Variants in USH2A observed in about 807,000 individuals in gnomAD.
The protein encoded by USH2A is usherin.
A neutral mutation model predicts 538.9 loss-of-function variants in USH2A; 443 were observed. The ratio of observed to expected loss-of-function variants is 0.82; its 90% CI spans 0.76 to 0.89. USH2A has a LOEUF of 0.89. Among genes scored for constraint, USH2A ranks in the 40% least tolerant of loss-of-function variants. The pLI is 0.00. For synonymous variants in USH2A, 2,413 were observed against 2,273.5 expected (o/e 1.06, Z -1.75); for missense variants, 6,633 against 6,324.8 (o/e 1.05, Z -1.65).
In USH2A at chr1:215,965,339, A is replaced by G. The variant is rs1667313204; in HGVS notation, c.7098T>C (p.Thr2366=). Residue 2366 remains threonine (T), a synonymous_variant, in exon 37 of 72, where the codon ACT becomes ACC. Transcript: ENST00000307340. ...TACCTGGGTCTACATAGAATATCCC[A>G]GTGAAAAGGACTGAGTGTGTTAAGA... ...NGLLTHSVLF[T]GIFYVDPVGN... 6.2e-7 allele frequency: 1 copy of G among 1,613,836 alleles called. No individual in the cohort carries two copies. The highest frequency in any genetic ancestry group is 8.5e-7 in the Non-Finnish European group (1 of 1,179,788).
chr1:216,285,550 C>T lies in USH2A; in HGVS notation c.1971+3730G>A, dbSNP rs192167164. ...GTGGAAGGGAAATGTGGGGTCAGAC[C>T]CCCCACACAGAGTCCCCACTGGGGT... On this transcript the variant is annotated intron_variant, in intron 11 of 71. Coordinates refer to ENST00000307340, the MANE Select transcript of USH2A (RefSeq NM_206933.4). Among the ~76,000 whole-genome samples, 54 of 152,286 alleles carry T rather than the reference C, an allele frequency of 3.5e-4. 1 individual carries two copies. The East Asian group carries it at 8.3e-3, about 23-fold the overall frequency.
At chr1:215,689,750 A>T (rs757392136) in intron 61 of USH2A, among the ~76,000 whole-genome samples, 9 of 152,204 alleles carry the variant, frequency 5.9e-5, no homozygotes, top group Non-Finnish European at 1.0e-4. Flanking sequence ...TCTCATTCCC[A>T]CACAAGAGAA....
intron 4 of USH2A, among the ~76,000 whole-genome samples, chr1:216,347,647 A>T (rs1415189457): frequency 1.3e-5 from 2 of 152,126 alleles, no homozygotes; most frequent in Non-Finnish European, 2.9e-5. Context: ...TTCTGATATG[A>T]CTTAGTGTAC....
intron 21 of USH2A, among the ~76,000 whole-genome samples, chr1:216,123,313 A>T (rs921866878): frequency 6.6e-6 from 1 of 152,216 alleles, no homozygotes; most frequent in Non-Finnish European, 1.5e-5. Context: ...GTTTAAACAT[A>T]TTAAGTCTTG....
At chr1:215,705,971 A>G (rs1011386777) in intron 61 of USH2A, among the ~76,000 whole-genome samples, 1 of 152,226 alleles carries the variant, frequency 6.6e-6, no homozygotes, top group African/African-American at 2.4e-5. Flanking sequence ...GATGATAACA[A>G]TGAGTGCTTT....
At chr1:215,868,678 A>T (rs1664545935) in intron 43 of USH2A, among the ~76,000 whole-genome samples, 1 of 152,246 alleles carries the variant, frequency 6.6e-6, no homozygotes, top group Admixed American at 6.5e-5. Context: ...ATACTGGATT[A>T]GGCAGCACCA....
At chr1:215,630,202 GT>G in intron 70 of USH2A, 1 of 476,562 alleles carries the variant, frequency 2.1e-6, no homozygotes, top group Middle Eastern at 3.2e-4. Context: ...AAAGTGCATG[GT>G]GTAACTTTTT....
At chr1:216,060,307 C>T (rs1314366320) in intron 30 of USH2A, among the ~76,000 whole-genome samples, 1 of 152,052 alleles carries the variant, frequency 6.6e-6, no homozygotes, top group African/African-American at 2.4e-5. Flanking sequence ...ACCTTATGAC[C>T]AGTAGAATTG....
intron 3 of USH2A, among the ~76,000 whole-genome samples, chr1:216,394,594 C>G (rs2039172104): frequency 6.6e-6 from 1 of 151,962 alleles, no homozygotes; most frequent in South Asian, 2.1e-4. Flanking sequence ...ATTTTATTTG[C>G]CCTTTCAAAA....
intron 21 of USH2A, among the ~76,000 whole-genome samples, chr1:216,149,026 C>T (rs572676418): frequency 1.4e-4 from 21 of 152,158 alleles, no homozygotes; most frequent in East Asian, 7.8e-4. Context: ...CAATCCTGTC[C>T]GACTAATCTC....
intron 45 of USH2A, among the ~76,000 whole-genome samples, chr1:215,844,846 G>A (rs4143467): frequency 0.39 from 59,330 of 151,958 alleles, 11,856 homozygotes; most frequent in Admixed American, 0.51. Context: ...AGGTGCAGGG[G>A]AGGGAGGGAA....
At chr1:216,126,635 T>C (rs1041901697) in intron 21 of USH2A, among the ~76,000 whole-genome samples, 1 of 152,160 alleles carries the variant, frequency 6.6e-6, no homozygotes, top group African/African-American at 2.4e-5. Flanking sequence ...CCAGGAGATA[T>C]TATATCTAAC....
At chr1:216,212,769 A>G (rs1047433936) in intron 15 of USH2A, among the ~76,000 whole-genome samples, 1 of 151,920 alleles carries the variant, frequency 6.6e-6, no homozygotes, top group Non-Finnish European at 1.5e-5. Context: ...TGTTCAATAA[A>G]TATCACCTTT....
At chr1:216,374,652 A>G (rs981340771) in intron 3 of USH2A, among the ~76,000 whole-genome samples, 1 of 152,146 alleles carries the variant, frequency 6.6e-6, no homozygotes, top group South Asian at 2.1e-4. Context: ...GCTTATTTTT[A>G]TCTATATAGA....
intron 32 of USH2A, among the ~76,000 whole-genome samples, chr1:216,028,834 A>G (rs1247124203): frequency 6.6e-6 from 1 of 152,136 alleles, no homozygotes; most frequent in Non-Finnish European, 1.5e-5. Flanking sequence ...AAGAATGCTG[A>G]GCAAGCAATT....
At chr1:216,030,528 A>G (rs1669095478) in intron 32 of USH2A, among the ~76,000 whole-genome samples, 1 of 143,966 alleles carries the variant, frequency 6.9e-6, no homozygotes, top group African/African-American at 2.5e-5. Context: ...GATATATATC[A>G]CAGATATATA....
chr1:216,065,032 A>G (rs576757633), intron 30 of USH2A, among the ~76,000 whole-genome samples: 3 of 152,374 alleles, frequency 2.0e-5, no homozygotes, highest in African/African-American at 7.2e-5. Context: ...ATGCATAGTT[A>G]ACATAGTTAA....
intron 3 of USH2A, among the ~76,000 whole-genome samples, chr1:216,392,361 A>G (rs1402816641): frequency 1.3e-5 from 2 of 151,798 alleles, no homozygotes; most frequent in African/African-American, 4.8e-5. Flanking sequence ...TTAGCCGGGC[A>G]TGGTGGCAGG....
intron 29 of USH2A, 50 bp from the exon 30 acceptor site, chr1:216,070,342 C>A: frequency 6.5e-7 from 1 of 1,536,074 alleles, no homozygotes; most frequent in Non-Finnish European, 9.0e-7. Flanking sequence ...TCTGAGAAGA[C>A]TATTGCTCCT....
Sources: gnomAD v4.1 joint callset for allele counts (sites outside exome capture counted in the v4.1 genomes callset) on GRCh38, gnomAD v4.1.1 for gene constraint, MANE v1.5 for transcripts, NCBI Gene and HGNC (gene_info 2026-07-23, HGNC 2026-07-21) for gene names.